ATP10B: variants seen among roughly 807,000 people sequenced by gnomAD.
ATP10B encodes phospholipid-transporting ATPase VB.
ATP10B carries 122 observed loss-of-function variants against 141.2 expected under a neutral mutation model. That is an observed-to-expected ratio of 0.86 (90% CI 0.75 to 1.00). ATP10B has a LOEUF of 1.00. Ranked by LOEUF, ATP10B falls within the 50% of genes least tolerant of loss-of-function variation. ATP10B has a pLI of 0.00. For synonymous variants in ATP10B, 685 were observed against 692.0 expected, an observed-to-expected ratio of 0.99 and a Z score of 0.16; for missense variants, 1,876 against 1,825.3, an observed-to-expected ratio of 1.03 and a Z score of -0.51.
At chr5:160,801,530 ATGGAT>A (rs1413884750) in intron 1 of ATP10B, among the ~76,000 whole-genome samples, 1 of 152,222 alleles carries the variant, frequency 6.6e-6, no homozygotes, top group Non-Finnish European at 1.5e-5. Flanking sequence ...CCATGAGGGA[ATGGAT>A]TGAATATGCT....
At chr5:160,825,840 A>T (rs990789137) in intron 1 of ATP10B, among the ~76,000 whole-genome samples, 41 of 152,096 alleles carry the variant, frequency 2.7e-4, no homozygotes, top group African/African-American at 9.9e-4. Context: ...AGCAGTGTCT[A>T]TTGTTCCCAT....
chr5:160,700,804 C>T (rs1377626456), intron 3 of ATP10B, among the ~76,000 whole-genome samples: 1 of 152,126 alleles, frequency 6.6e-6, no homozygotes, highest in Non-Finnish European at 1.5e-5. Flanking sequence ...TTGAACATTG[C>T]CCCTTGGATG....
chr5:160,878,130 C>G, the ATP10B span, among the ~76,000 whole-genome samples: 3 of 150,090 alleles, frequency 2.0e-5, no homozygotes, highest in Non-Finnish European at 4.5e-5. Flanking sequence ...TGACTTCAAA[C>G]TATACTACAA....
intron 3 of ATP10B, among the ~76,000 whole-genome samples, chr5:160,714,839 G>A (rs1581401328): frequency 6.8e-6 from 1 of 147,762 alleles, no homozygotes; most frequent in South Asian, 2.2e-4. Flanking sequence ...TAACAGACAG[G>A]ACCCTCAGCT....
the ATP10B span, among the ~76,000 whole-genome samples, chr5:160,921,274 GTTTTTT>G: frequency 1.6e-5 from 2 of 121,842 alleles, no homozygotes; most frequent in East Asian, 3.4e-4. Context: ...TCAGCACTTT[GTTTTTT>G]TTTTTTTTAC....
chr5:160,817,231 C>CA (rs1773705351), intron 1 of ATP10B, among the ~76,000 whole-genome samples: 1 of 152,318 alleles, frequency 6.6e-6, no homozygotes, highest in South Asian at 2.1e-4. Flanking sequence ...TTGCAGATGA[C>CA]ATGATTGTAT....
intron 7 of ATP10B, among the ~76,000 whole-genome samples, chr5:160,654,478 A>T (rs990712853): frequency 1.3e-5 from 2 of 152,144 alleles, no homozygotes; most frequent in African/African-American, 4.8e-5. Context: ...ACACAGGAAA[A>T]GACCAATCCT....
chr5:160,720,392 A>G (rs1326836386), intron 2 of ATP10B, among the ~76,000 whole-genome samples: 1 of 152,260 alleles, frequency 6.6e-6, no homozygotes, highest in Non-Finnish European at 1.5e-5. Flanking sequence ...ATGGAGTTTA[A>G]AATGAAAACA....
At chr5:160,608,041 T>G (rs1162594508) in intron 18 of ATP10B, among the ~76,000 whole-genome samples, 2 of 152,190 alleles carry the variant, frequency 1.3e-5, no homozygotes, top group Admixed American at 6.5e-5. Context: ...AACTCGTCAT[T>G]TACATTAGGT....
rs1298251791 is a variant in ATP10B at position 160,704,921 on chromosome 5, T to TTTTTG, written c.-205+11987_-205+11988insCAAAA. Among the ~76,000 whole-genome samples the TTTTTG allele has an allele frequency of 1.4e-4, 18 of 130,456 alleles. No homozygotes were observed. In the East Asian group the frequency reaches 2.0e-3, roughly 14 times the overall value. 85.6% of individuals were successfully genotyped at this position (130,456 alleles called of 152,430 possible). ...TTCCAACATTTCTTTCATCTTTTTT[T>TTTTTG]TTTTTTTTTTTTTTGTTGAGACAGT... On this transcript the variant is annotated intron_variant, in intron 3 of 25. Transcript: ENST00000327245.
chr5:160,606,643 T>G, intron 19 of ATP10B, 122 bp downstream of exon 19: 1 of 977,292 alleles, frequency 1.0e-6, no homozygotes, highest in East Asian at 2.5e-5. Flanking sequence ...ACTCTCTCCC[T>G]CTAAGACAAT....
chr5:160,883,358 C>T, the ATP10B span, among the ~76,000 whole-genome samples: 3 of 152,234 alleles, frequency 2.0e-5, no homozygotes, highest in African/African-American at 7.2e-5. Flanking sequence ...GACAGAATCA[C>T]TTTAACTACA....
intron 6 of ATP10B, among the ~76,000 whole-genome samples, chr5:160,671,969 C>CTTTTTTTTTTTTTTTTTTTTTTTTTTTT (rs70990741): frequency 1.5e-5 from 1 of 68,388 alleles, no homozygotes; most frequent in Non-Finnish European, 2.4e-5. Context: ...GCAATGCATC[C>CTTTTTTTTTTTTTTTTTTTTTTTTTTTT]TTTTTTTTTT....
At chr5:160,651,677 T>C (rs568575930) in intron 7 of ATP10B, among the ~76,000 whole-genome samples, 1 of 152,204 alleles carries the variant, frequency 6.6e-6, no homozygotes, top group African/African-American at 2.4e-5. Context: ...GTAAATTGAT[T>C]AAAAGAAATG....
the ATP10B span, among the ~76,000 whole-genome samples, chr5:160,878,544 T>G: frequency 1.3e-5 from 2 of 151,986 alleles, no homozygotes; most frequent in South Asian, 2.1e-4. Context: ...TGGGATCTAA[T>G]TAAACTAAAG....
chr5:160,849,872 T>A (rs919745701), intron 1 of ATP10B, among the ~76,000 whole-genome samples: 12 of 152,152 alleles, frequency 7.9e-5, no homozygotes, highest in African/African-American at 2.4e-4. Flanking sequence ...GTTAAAAGAA[T>A]TGTAAAACAA....
chr5:160,653,443 C>T, intron 7 of ATP10B, among the ~76,000 whole-genome samples: 1 of 48,588 alleles, frequency 2.1e-5, no homozygotes, highest in Admixed American at 2.6e-4. Flanking sequence ...TACATACATA[C>T]ATAGGTAGTA....
intron 2 of ATP10B, among the ~76,000 whole-genome samples, chr5:160,765,074 G>A (rs550029486): frequency 2.6e-5 from 4 of 152,260 alleles, no homozygotes; most frequent in Non-Finnish European, 4.4e-5. Flanking sequence ...AATCATAGAT[G>A]ACACAAACAA....
At chr5:160,900,722 A>G in the ATP10B span, among the ~76,000 whole-genome samples, 1 of 152,324 alleles carries the variant, frequency 6.6e-6, no homozygotes, top group Non-Finnish European at 1.5e-5. Flanking sequence ...ATTAGGCCAT[A>G]TGTATACAAC....
Sources: allele counts gnomAD v4.1 joint callset (sites outside exome capture counted in the v4.1 genomes callset), GRCh38; gene constraint gnomAD v4.1.1; transcripts MANE v1.5; gene names NCBI Gene and HGNC (gene_info 2026-07-23, HGNC 2026-07-21).